The following ADAMTS16 variants were observed in gnomAD, a reference collection of about 807,000 sequenced individuals.
ADAMTS16 encodes ADAM metallopeptidase with thrombospondin type 1 motif 16.
A neutral mutation model predicts 145.8 loss-of-function variants in ADAMTS16; 94 were observed. That is an observed-to-expected ratio of 0.64 (90% CI 0.55 to 0.77). ADAMTS16 has a LOEUF of 0.77. Ranked by LOEUF, ADAMTS16 falls within the 30% of genes least tolerant of loss-of-function variation. ADAMTS16 has a pLI of 0.00. For missense variants in ADAMTS16, 1,585 were observed against 1,591.5 expected, an observed-to-expected ratio of 1.00 and a Z score of 0.07; for synonymous variants, 659 against 604.3, an observed-to-expected ratio of 1.09 and a Z score of -1.33.
intron 10 of ADAMTS16, among the ~76,000 whole-genome samples, chr5:5,215,870 GTATATATATATATATATATATATATA>G (rs55703329): frequency 1.7e-4 from 17 of 101,644 alleles, no homozygotes; most frequent in African/African-American, 3.5e-4. Context: ...GTGTGTATGT[GTATATATATATATATATATATATATA>G]TATATATATA....
intron 13 of ADAMTS16, among the ~76,000 whole-genome samples, chr5:5,235,627 T>C (rs1332983817): frequency 6.6e-6 from 1 of 152,200 alleles, no homozygotes; most frequent in Non-Finnish European, 1.5e-5. Flanking sequence ...GCATAGTATG[T>C]TCAGAAAGTC....
intron 3 of ADAMTS16, among the ~76,000 whole-genome samples, chr5:5,180,317 C>T (rs1735307177): frequency 6.6e-6 from 1 of 152,028 alleles, no homozygotes; most frequent in African/African-American, 2.4e-5. Flanking sequence ...CTAAATGATA[C>T]CCTGATGTTC....
chr5:5,311,475 G>A (rs1318122455), intron 21 of ADAMTS16, among the ~76,000 whole-genome samples: 2 of 151,322 alleles, frequency 1.3e-5, no homozygotes, highest in Non-Finnish European at 2.9e-5. Context: ...CAAATGACAC[G>A]ACCCTTCACT....
intron 18 of ADAMTS16, among the ~76,000 whole-genome samples, chr5:5,300,555 G>GAA (rs1034511522): frequency 6.6e-6 from 1 of 152,142 alleles, no homozygotes; most frequent in African/African-American, 2.4e-5. Flanking sequence ...TCTTTTCAGT[G>GAA]AAAACACTTG....
At chr5:5,228,906 C>T (rs1050502139) in intron 11 of ADAMTS16, among the ~76,000 whole-genome samples, 1 of 152,240 alleles carries the variant, frequency 6.6e-6, no homozygotes, top group South Asian at 2.1e-4. Flanking sequence ...AGGTCATAGC[C>T]TGTTCCTCTT....
intron 3 of ADAMTS16, among the ~76,000 whole-genome samples, chr5:5,153,824 A>C (rs1370884883): frequency 6.6e-6 from 1 of 152,252 alleles, no homozygotes; most frequent in African/African-American, 2.4e-5. Flanking sequence ...GATGTTTGTC[A>C]AGGCATTAAT....
chr5:5,296,681 G>A (rs1235717650), intron 18 of ADAMTS16, among the ~76,000 whole-genome samples: 1 of 152,174 alleles, frequency 6.6e-6, no homozygotes, highest in Non-Finnish European at 1.5e-5. Flanking sequence ...CAGAACAGGA[G>A]CGAGACCAGG....
chr5:5,178,822 G>A (rs1735263799), intron 3 of ADAMTS16, among the ~76,000 whole-genome samples: 1 of 152,028 alleles, frequency 6.6e-6, no homozygotes, highest in East Asian at 1.9e-4. Flanking sequence ...AGCTGTGTTG[G>A]ATCACAAGCG....
chr5:5,305,097 A>T (rs1579405773), intron 20 of ADAMTS16, among the ~76,000 whole-genome samples: 1 of 87,368 alleles, frequency 1.1e-5, no homozygotes, highest in Admixed American at 1.1e-4. Flanking sequence ...CACCACACAC[A>T]CACACATCCC....
At chr5:5,140,840 G>C (rs770803239) in intron 2 of ADAMTS16, 74 bp downstream of exon 2, 15 of 1,414,436 alleles carry the variant, frequency 1.1e-5, no homozygotes, top group Non-Finnish European at 1.4e-5. Flanking sequence ...TGGTTTATTA[G>C]GTGCTGTGAA....
intron 22 of ADAMTS16, among the ~76,000 whole-genome samples, chr5:5,318,809 C>A (rs1208134425): frequency 6.6e-6 from 1 of 152,096 alleles, no homozygotes; most frequent in East Asian, 1.9e-4. Flanking sequence ...GGGGTCAGCA[C>A]AAGAAGAAAA....
chr5:5,242,337 G>GGTCCT, intron 17 of ADAMTS16, 146 bp downstream of exon 17: 2 of 1,146,480 alleles, frequency 1.7e-6, no homozygotes, highest in Non-Finnish European at 2.4e-6. Flanking sequence ...GGGGAGTGGT[G>GGTCCT]GTCCTGAGTG....
intron 18 of ADAMTS16, 95 bp from the exon 19 acceptor site, chr5:5,303,173 G>A: frequency 1.5e-6 from 2 of 1,305,414 alleles, no homozygotes; most frequent in South Asian, 1.6e-5. Context: ...GACCGTGGCT[G>A]GGAAATCGCG....
At chr5:5,231,468 C>G (rs1361412732) in intron 11 of ADAMTS16, among the ~76,000 whole-genome samples, 1 of 151,200 alleles carries the variant, frequency 6.6e-6, no homozygotes, top group East Asian at 1.9e-4. Context: ...TCTAGTGGCT[C>G]TAATCTTGGA....
At chr5:5,314,129 G>A (rs563797295) in intron 21 of ADAMTS16, among the ~76,000 whole-genome samples, 116 of 152,308 alleles carry the variant, frequency 7.6e-4, no homozygotes, top group African/African-American at 2.6e-3. Context: ...ATCCTGAAAT[G>A]AGCATGGACA....
intron 10 of ADAMTS16, among the ~76,000 whole-genome samples, chr5:5,213,105 T>G (rs1189480008): frequency 6.6e-6 from 1 of 152,228 alleles, no homozygotes; most frequent in Non-Finnish European, 1.5e-5. Context: ...TGACATATAT[T>G]TCATTTCTCT....
chr5:5,239,560 T>C, intron 15 of ADAMTS16, 121 bp from the exon 16 acceptor site: 3 of 1,419,560 alleles, frequency 2.1e-6, no homozygotes, highest in South Asian at 1.3e-5. Context: ...CCAGAACACG[T>C]CTTCACCCAG....
At chr5:5,151,532 C>T (rs943903046) in intron 3 of ADAMTS16, among the ~76,000 whole-genome samples, 5 of 152,062 alleles carry the variant, frequency 3.3e-5, no homozygotes, top group Non-Finnish European at 7.4e-5. Flanking sequence ...ACCACTGTAC[C>T]TGGCCCATTT....
chr5:5,176,437 A>G (rs1399367042), intron 3 of ADAMTS16, among the ~76,000 whole-genome samples: 1 of 152,198 alleles, frequency 6.6e-6, no homozygotes, highest in Non-Finnish European at 1.5e-5. Flanking sequence ...TGAAGATTAG[A>G]TTGTAGAGTT....
Sources: allele counts gnomAD v4.1 joint callset (sites outside exome capture counted in the v4.1 genomes callset), GRCh38; gene constraint gnomAD v4.1.1; transcripts MANE v1.5; gene names NCBI Gene and HGNC (gene_info 2026-07-23, HGNC 2026-07-21).